Variants in HAS3 observed in about 807,000 individuals in gnomAD.
HAS3 encodes HA synthase 3.
Under a neutral mutation model 50.3 loss-of-function variants are expected in HAS3, and 27 were observed. That is an observed-to-expected ratio of 0.54 (90% CI 0.40 to 0.74). The LOEUF is 0.74. Among genes scored for constraint, HAS3 ranks in the 30% least tolerant of loss-of-function variants. HAS3 has a pLI of 0.00. For synonymous variants in HAS3, 339 were observed against 310.9 expected (o/e 1.09, Z -0.95); for missense variants, 517 against 742.8 (o/e 0.70, Z 3.53).
chr16:69,112,867 A>C (rs544124611), intron 2 of HAS3, among the ~76,000 whole-genome samples: 1 of 152,348 alleles, frequency 6.6e-6, no homozygotes, highest in African/African-American at 2.4e-5. Context: ...GCCCTCAGCC[A>C]TACCGTGCCC....
At chr16:69,099,391 A>G in the HAS3 span, among the ~76,000 whole-genome samples, 4 of 148,312 alleles carry the variant, frequency 2.7e-5, no homozygotes, top group Non-Finnish European at 4.5e-5. Context: ...GCAGTGGCGC[A>G]ATCTCGGCTC....
upstream of HAS3, among the ~76,000 whole-genome samples, chr16:69,105,028 G>C (rs1017165733): frequency 8.8e-4 from 60 of 68,370 alleles, no homozygotes; most frequent in African/African-American, 3.6e-3. Context: ...TTTTTTTGGA[G>C]ACGGAGTCTC....
chr16:69,088,490 G>A, the HAS3 span, among the ~76,000 whole-genome samples: 2 of 150,690 alleles, frequency 1.3e-5, no homozygotes, highest in Non-Finnish European at 2.9e-5. Context: ...AACCCAGGAG[G>A]CAGAGGTTGC....
chr16:69,107,590 A>C lies in HAS3; in HGVS notation c.-1+1803A>C, dbSNP rs960750261. The C allele has an allele frequency of 5.1e-6, 5 of 985,264 alleles. No homozygotes were observed. In the South Asian group the frequency reaches 1.9e-4, roughly 37 times the overall value. 61.0% of individuals were successfully genotyped at this position (985,264 alleles called of 1,614,324 possible). On this transcript the variant is annotated intron_variant, in intron 1 of 3. Transcript: ENST00000569188. This position sits in a 1 kb window ranked among gnomAD's most constrained non-coding sequence, Gnocchi z 5.5. ...TGGTGGGCGCCGCCTCCGGCACTGCACCGAGGCGGGGCGCCAGCGCCCAGG... is the reference window on the plus strand; with the variant it reads ...TGGTGGGCGCCGCCTCCGGCACTGCCCCGAGGCGGGGCGCCAGCGCCCAGG...
At position 69,114,728 on chromosome 16, in the gene HAS3, A is replaced by G; in HGVS notation, c.1124A>G (p.His375Arg). The change falls in exon 4 of 4, where the codon CAC becomes CGC. Residue 375 changes from histidine (H) to arginine (R), a missense_variant. His to Arg is a conservative substitution (Grantham distance 29, BLOSUM62 0). Coordinates refer to ENST00000569188, the MANE Select transcript of HAS3 (RefSeq NM_001199280.2). The surrounding 1 kb of genome is among the most constrained non-coding windows in gnomAD (Gnocchi z 6.4). ...TACAACTCTCTGTGGTTCCATAAGC[A>G]CCACCTCTGGATGACCTACGAGTCA... Reference protein sequence around the residue: ...WLYNSLWFHKHHLWMTYESVV... With the variant: ...WLYNSLWFHKRHLWMTYESVV... 3 of 1,613,956 alleles carry G rather than the reference A, an allele frequency of 1.9e-6. No homozygotes were observed. The highest frequency in any genetic ancestry group is 1.7e-6 in the Non-Finnish European group (2 of 1,180,012).
rs117215086 is a variant in HAS3 at position 69,113,527 on chromosome 16, C to T, written c.723C>T (p.Val241=). The T allele has an allele frequency of 5.1e-4, 824 of 1,603,238 alleles. 19 individuals are homozygous for T. In the East Asian group the frequency reaches 0.017, roughly 34 times the overall value. Residue 241 remains valine (V), a synonymous_variant, in exon 3 of 4, where the codon GTC becomes GTT. Coordinates refer to ENST00000569188, the MANE Select transcript of HAS3 (RefSeq NM_001199280.2). ...AGGAGGATCCCCAAGTAGGGGGAGT[C>T]GGGGGAGATGTCCAGGTAAGATGAG... ...VLEEDPQVGG[V]GGDVQILNKY... is the part of the protein sequence containing the mutation.
At chr16:69,090,023 C>A in the HAS3 span, among the ~76,000 whole-genome samples, 1 of 152,172 alleles carries the variant, frequency 6.6e-6, no homozygotes, top group South Asian at 2.1e-4. Flanking sequence ...TCTGCTGGGT[C>A]GCAGCCAGGA....
chr16:69,096,215 CAA>C, the HAS3 span, among the ~76,000 whole-genome samples: 7 of 58,102 alleles, frequency 1.2e-4, no homozygotes, highest in Admixed American at 6.3e-4. Flanking sequence ...GACTCCGTCT[CAA>C]AAAAAAAAAA....
rs372187979 is a variant in HAS3 at position 69,114,302 on chromosome 16, C to G, written c.739-41C>G. 3 of 1,544,916 alleles carry G rather than the reference C, an allele frequency of 1.9e-6. No individual in the cohort carries two copies. Among genetic ancestry groups the G allele is most frequent in the South Asian group, 1.2e-5 (1 of 81,710 alleles). On this transcript the variant is annotated intron_variant, in intron 3 of 3. Coordinates refer to ENST00000569188, the MANE Select transcript of HAS3 (RefSeq NM_001199280.2). This position sits in a 1 kb window ranked among gnomAD's most constrained non-coding sequence, Gnocchi z 6.4. ...TGGTCTCTGATGTCTGTCCTCCGGA[C>G]GTGCAACCTTAGGAGGCCCAGCATC...
the HAS3 span, among the ~76,000 whole-genome samples, chr16:69,096,706 C>G: frequency 2.0e-5 from 3 of 150,342 alleles, no homozygotes; most frequent in Non-Finnish European, 4.4e-5. Flanking sequence ...CAACCTCCGC[C>G]TCCCGGGTTC....
chr16:69,092,041 T>G, the HAS3 span, among the ~76,000 whole-genome samples: 2 of 152,258 alleles, frequency 1.3e-5, no homozygotes, highest in Non-Finnish European at 2.9e-5. Context: ...TATGCCCTTC[T>G]GTGTACTTAA....
rs373497695 is a variant in HAS3, at chr16:69,114,378, G to A, written c.774G>A (p.Leu258=). ...LNKYDSWISF[L]SSVRYWMAFN... is the part of the protein sequence containing the mutation. Reference sequence around the variant, plus strand: ...AGTACGACTCATGGATTTCCTTCCTGAGCAGCGTGCGGTACTGGATGGCCT... The same window carrying A: ...AGTACGACTCATGGATTTCCTTCCTAAGCAGCGTGCGGTACTGGATGGCCT... Residue 258 remains leucine, a synonymous_variant, in exon 4 of 4, where the codon CTG becomes CTA. Coordinates refer to ENST00000569188, the MANE Select transcript of HAS3 (RefSeq NM_001199280.2). This position sits in a 1 kb window ranked among gnomAD's most constrained non-coding sequence, Gnocchi z 6.4. The A allele has an allele frequency of 1.1e-5, 18 of 1,607,366 alleles. No individual in the cohort carries two copies. Among genetic ancestry groups the A allele is most frequent in the East Asian group, 6.7e-5 (3 of 44,886 alleles).
chr16:69,104,259 GTTTT>G (rs544314357), upstream of HAS3, among the ~76,000 whole-genome samples: 6 of 127,056 alleles, frequency 4.7e-5, no homozygotes, highest in African/African-American at 1.7e-4. Context: ...CCTGGCTAAT[GTTTT>G]TTTTTTTTTT....
intron 2 of HAS3, among the ~76,000 whole-genome samples, chr16:69,110,900 G>C (rs771230911): frequency 1.3e-5 from 2 of 152,094 alleles, no homozygotes; most frequent in Admixed American, 6.6e-5. Flanking sequence ...TCTTCCTAGT[G>C]TCAAAGTCAT....
chr16:69,094,420 C>T, the HAS3 span, among the ~76,000 whole-genome samples: 1 of 152,154 alleles, frequency 6.6e-6, no homozygotes. Flanking sequence ...TAGAGAAAGG[C>T]CAGCCTGAAA....
Position 69,109,961 on chromosome 16 carries a change from A to G in HAS3, c.566A>G (p.Lys189Arg), listed in dbSNP as rs1056687956. 1.2e-6 allele frequency: 2 copies of G among 1,614,034 alleles called. No homozygotes were observed. Among genetic ancestry groups the G allele is most frequent in the East Asian group, 2.2e-5 (1 of 44,878 alleles). Reference protein sequence around the residue: ...RASTFSCIMQKWGGKREVMYT... With the variant: ...RASTFSCIMQRWGGKREVMYT... ...AGCACCTTCTCGTGCATCATGCAGA[A>G]GTGGGGAGGCAAGCGCGAGGTCATG... The change falls in exon 2 of 4, where the codon AAG (lysine) becomes AGG (arginine). Residue 189 changes from lysine (K) to arginine (R), a missense_variant. Lys to Arg is a conservative substitution (Grantham distance 26). Transcript: ENST00000569188. This position sits in a 1 kb window ranked among gnomAD's most constrained non-coding sequence, Gnocchi z 5.3.
the HAS3 span, among the ~76,000 whole-genome samples, chr16:69,098,972 CT>C: frequency 1.1e-4 from 15 of 139,946 alleles, no homozygotes; most frequent in African/African-American, 2.1e-4. Flanking sequence ...TGAACCTGAT[CT>C]TTTTTTTTTC....
chr16:69,109,341 G>C lies in HAS3; in HGVS notation c.1-55G>C. ...TAACAGAGAACACCCATGCTCCCAC[G>C]GACTGGAAATGCTGCCTCCTGCCTG... On this transcript the variant is annotated intron_variant, in intron 1 of 3. Transcript: ENST00000569188. The surrounding 1 kb of genome is among the most constrained non-coding windows in gnomAD (Gnocchi z 5.3). 1 of 1,542,052 alleles carries C rather than the reference G, an allele frequency of 6.5e-7. No individual in the cohort carries two copies.
intron 2 of HAS3, among the ~76,000 whole-genome samples, chr16:69,112,499 C>A (rs1256707822): frequency 4.6e-5 from 7 of 152,190 alleles, no homozygotes; most frequent in Admixed American, 1.3e-4. Context: ...TCCTTTCCTG[C>A]AGGAATCTTA....
Sources: allele counts gnomAD v4.1 joint callset (sites outside exome capture counted in the v4.1 genomes callset), GRCh38; gene constraint gnomAD v4.1.1; non-coding constraint Gnocchi (gnomAD v3.1); transcripts MANE v1.5; gene names NCBI Gene and HGNC (gene_info 2026-07-23, HGNC 2026-07-21).